Variants in FUCA1 observed in about 807,000 individuals in gnomAD.
FUCA1 encodes the protein alpha-L-fucosidase 1.
In FUCA1, 52 loss-of-function variants were observed where a neutral mutation model predicts 56.8. The ratio of observed to expected loss-of-function variants is 0.92; its 90% CI spans 0.73 to 1.15. The LOEUF (loss-of-function observed/expected upper bound fraction) is 1.15. Among genes scored for constraint, FUCA1 ranks in the 50% most tolerant of loss-of-function variants. The pLI is 0.00. For synonymous variants in FUCA1, 230 were observed against 226.6 expected (o/e 1.02, Z -0.14); for missense variants, 568 against 592.6 (o/e 0.96, Z 0.43).
At chr1:23,845,964 G>T in intron 7 of FUCA1, 109 bp from the exon 8 acceptor site, 1 of 1,527,182 alleles carries the variant, frequency 6.5e-7, no homozygotes, top group Non-Finnish European at 9.1e-7. Context: ...AGGAAAGCCA[G>T]TCTAAAAGAG....
At chr1:23,858,235 C>G (rs1268228739) in intron 4 of FUCA1, among the ~76,000 whole-genome samples, 1 of 151,308 alleles carries the variant, frequency 6.6e-6, no homozygotes, top group Non-Finnish European at 1.5e-5. Flanking sequence ...TGGCTAATTT[C>G]TTTTTGTATT....
intron 4 of FUCA1, among the ~76,000 whole-genome samples, chr1:23,858,777 T>C (rs1438914531): frequency 6.6e-6 from 1 of 152,118 alleles, no homozygotes; most frequent in East Asian, 1.9e-4. Context: ...GGAGACAGGG[T>C]TTCACTGTCA....
chr1:23,854,518 AG>A lies in FUCA1; in HGVS notation c.810del (p.Cys271ValfsTer59), dbSNP rs1557510081. On this transcript the variant is annotated frameshift_variant, in exon 5 of 8. Coordinates refer to ENST00000374479, the MANE Select transcript of FUCA1 (RefSeq NM_000147.5). LOFTEE classifies it high-confidence loss of function. ...VVNDRWGQNCSCHHGGYYNCE... is the reference protein window; with the variant it reads ...VVNDRWGQNCXCHHGGYYNCE... ...CAGTTATAGTATCCTCCATGGTGAC[AG>A]GAACAGTTCTGACCCCATCGGTCAT... 6.2e-7 allele frequency: 1 copy of A among 1,614,146 alleles called. No individual in the cohort carries two copies. Among genetic ancestry groups the A allele is most frequent in the Non-Finnish European group, 8.5e-7 (1 of 1,179,984 alleles).
chr1:23,845,492 C>T lies in FUCA1; in HGVS notation c.*223G>A. 1.7e-6 allele frequency: 1 copy of T among 590,256 alleles called. No individual in the cohort carries two copies. The highest frequency in any genetic ancestry group is 3.0e-6 in the Non-Finnish European group (1 of 331,984). 36.6% of individuals were successfully genotyped at this position (590,256 alleles called of 1,614,324 possible). ...GAACTCAGAGTTCAACTGCTCAGTT[C>T]CTTCTTCTGCTGACCTGATACAGAT... is the stretch of plus-strand genomic sequence containing the variant. On this transcript the variant is annotated 3_prime_UTR_variant, in exon 8 of 8. Coordinates refer to ENST00000374479, the MANE Select transcript of FUCA1 (RefSeq NM_000147.5).
rs1223610080 is a variant in FUCA1 at position 23,859,901 on chromosome 1, T to C, written c.665A>G (p.Tyr222Cys). The C allele has an allele frequency of 1.3e-6, 2 of 1,592,058 alleles. No homozygotes were observed. Among genetic ancestry groups the C allele is most frequent in the East Asian group, 2.2e-5 (1 of 44,796 alleles). Residue 222 changes from tyrosine (Y) to cysteine (C), a missense_variant and splice_region_variant, in exon 4 of 8, where the codon TAT (tyrosine) becomes TGT (cysteine). Physicochemically the swap from Tyr to Cys is radical, Grantham distance 194. Transcript: ENST00000374479. ...MPELYDLVNSYKPDLIWSDGE... is the reference protein window; with the variant it reads ...MPELYDLVNSCKPDLIWSDGE... ...ATCAGACCAGATCAGATCAGGTTTATAGCTGGAAGACATGTGATCAGGACA... is the reference window on the plus strand; with the variant it reads ...ATCAGACCAGATCAGATCAGGTTTACAGCTGGAAGACATGTGATCAGGACA...
chr1:23,848,205 T>C (rs926415540), intron 6 of FUCA1, among the ~76,000 whole-genome samples: 2 of 152,116 alleles, frequency 1.3e-5, no homozygotes, highest in Non-Finnish European at 2.9e-5. Context: ...ACACTGAGTT[T>C]GTGCCTGGCA....
intron 4 of FUCA1, among the ~76,000 whole-genome samples, chr1:23,857,719 G>A (rs1009178691): frequency 6.6e-5 from 10 of 151,794 alleles, no homozygotes; most frequent in African/African-American, 2.4e-4. Context: ...CCAGGCTGGA[G>A]TGCAGTGGCG....
Position 23,865,562 on chromosome 1 carries a change from C to G in FUCA1, c.453G>C (p.Trp151Cys). 1 of 1,614,178 alleles carries G rather than the reference C, an allele frequency of 6.2e-7. No homozygotes were observed. The highest frequency in any genetic ancestry group is 8.5e-7 in the Non-Finnish European group (1 of 1,180,036). ...GFTNWPSPVS[W>C]NWNSKDVGPH... Reference sequence around the variant, plus strand: ...GCCCCACGTCTTTGGAGTTCCAGTTCCAAGACACAGGACTCGGCCAGTTTG... The same window carrying G: ...GCCCCACGTCTTTGGAGTTCCAGTTGCAAGACACAGGACTCGGCCAGTTTG... The change falls in exon 2 of 8, where the codon TGG becomes TGC. Residue 151 changes from tryptophan (W) to cysteine (C), a missense_variant. Transcript: ENST00000374479.
intron 5 of FUCA1, among the ~76,000 whole-genome samples, chr1:23,853,787 C>T (rs896080756): frequency 4.0e-5 from 6 of 151,896 alleles, no homozygotes; most frequent in East Asian, 1.9e-4. Flanking sequence ...CTCTCTGAAA[C>T]GTGTGCTGTG....
Position 23,859,920 on chromosome 1 carries a change from C to A in FUCA1, c.663-17G>T. On this transcript the variant is annotated splice_polypyrimidine_tract_variant and intron_variant, in intron 3 of 7. Coordinates refer to ENST00000374479, the MANE Select transcript of FUCA1 (RefSeq NM_000147.5). ...GGTTTATAGCTGGAAGACATGTGAT[C>A]AGGACAGAGCTTATTATCTGAACAT... 2 of 1,486,708 alleles carry A rather than the reference C, an allele frequency of 1.3e-6. No individual in the cohort carries two copies. Among genetic ancestry groups the A allele is most frequent in the South Asian group, 2.3e-5 (2 of 88,538 alleles). The allele number at this position is 1,486,708 out of a possible 1,614,324, so 92.1% of individuals were successfully genotyped here.
Position 23,845,558 on chromosome 1 carries a change from T to A in FUCA1, c.*157A>T. ...CTCAGATCTTTGGTCCATTTAGACA[T>A]CAGGGTAATGTACTCAGTTCCTTTA... is the stretch of plus-strand genomic sequence containing the variant. On this transcript the variant is annotated 3_prime_UTR_variant, in exon 8 of 8. Transcript: ENST00000374479. The A allele has an allele frequency of 1.2e-6, 1 of 809,458 alleles. No homozygotes were observed. The allele number at this position is 809,458 out of a possible 1,614,324, so 50.1% of individuals were successfully genotyped here.
chr1:23,866,103 G>C (rs1416186332), intron 1 of FUCA1, among the ~76,000 whole-genome samples: 2 of 152,188 alleles, frequency 1.3e-5, no homozygotes, highest in Non-Finnish European at 2.9e-5. Context: ...CCTGAGGTCA[G>C]GGGTTCAAGA....
rs200756413 is a variant in FUCA1 at position 23,867,990 on chromosome 1, G to A, written c.297C>T (p.Pro99=). Residue 99 remains proline, a synonymous_variant, in exon 1 of 8, where the codon CCC becomes CCT. Coordinates refer to ENST00000374479, the MANE Select transcript of FUCA1 (RefSeq NM_000147.5). The surrounding 1 kb of genome is among the most constrained non-coding windows in gnomAD (Gnocchi z 4.9). The stretch of plus-strand genomic sequence containing the variant: ...GTCCGAAGTCGGCGTAGCTGAAGCC[G>A]GGCGGGTAGTTGTCGCGCATGAAGC... The part of the protein sequence containing the change: ...YQRFMRDNYP[P]GFSYADFGPQ... 2 of 1,602,856 alleles carry A rather than the reference G, an allele frequency of 1.2e-6. No individual in the cohort carries two copies. The highest frequency in any genetic ancestry group is 4.5e-5 in the East Asian group (2 of 44,448).
chr1:23,868,241 A>G lies in FUCA1; in HGVS notation c.46T>C (p.Leu16=). ...GCTCCGAGGAAGAGCAGCAGCAGCA[A>G]CAGCGCGGGACCCGCCGGCCGCGAC... The part of the protein sequence containing the change: ...MRSRPAGPAL[L]LLLLFLGAAE... Residue 16 remains leucine, a synonymous_variant, in exon 1 of 8, where the codon TTG becomes CTG. Coordinates refer to ENST00000374479, the MANE Select transcript of FUCA1 (RefSeq NM_000147.5). 6.4e-7 allele frequency: 1 copy of G among 1,564,344 alleles called. No individual in the cohort carries two copies. Among genetic ancestry groups the G allele is most frequent in the Non-Finnish European group, 8.7e-7 (1 of 1,155,534 alleles).
rs80358195 is a variant in FUCA1 at position 23,848,671 on chromosome 1, C to A, written c.1138G>T (p.Glu380Ter). Residue 380 changes from glutamate to a stop codon, truncating the protein, a stop_gained, in exon 6 of 8, where the codon GAA becomes TAA. Coordinates refer to ENST00000374479, the MANE Select transcript of FUCA1 (RefSeq NM_000147.5). LOFTEE classifies it high-confidence loss of function. ...YASKPWRVQW[E>*]KNTTSVWYTS... ...CACCATACAGATGTTGTGTTCTTTT[C>A]CCATTGCACCCGCCATGGTTTGGAG... The A allele has an allele frequency of 2.5e-6, 4 of 1,614,014 alleles. No individual in the cohort carries two copies. The Admixed American group carries it at 6.7e-5, about 27-fold the overall frequency.
rs1639353891 is a variant in FUCA1 at position 23,854,615 on chromosome 1, T to C, written c.769-55A>G. 3.7e-6 allele frequency: 5 copies of C among 1,361,118 alleles called. No homozygotes were observed. The South Asian group carries it at 5.8e-5, about 16-fold the overall frequency. 84.3% of individuals were successfully genotyped at this position (1,361,118 alleles called of 1,614,324 possible). ...GGAGTAAAACCACTTGACTTCTTTA[T>C]GTAATACACTTTGGTAAGGCTCTAT... On this transcript the variant is annotated intron_variant, in intron 4 of 7. Coordinates refer to ENST00000374479, the MANE Select transcript of FUCA1 (RefSeq NM_000147.5).
At chr1:23,860,477 G>C (rs181170236) in intron 3 of FUCA1, among the ~76,000 whole-genome samples, 12 of 151,468 alleles carry the variant, frequency 7.9e-5, no homozygotes, top group Admixed American at 7.9e-4. Context: ...CCAGCTACTC[G>C]GGAGGCTGAG....
rs372045495 is a variant in FUCA1 at position 23,865,530 on chromosome 1, C to T, written c.485G>A (p.Arg162Gln). 16 of 1,614,084 alleles carry T rather than the reference C, an allele frequency of 9.9e-6. No individual in the cohort carries two copies. Among genetic ancestry groups the T allele is most frequent in the East Asian group, 8.9e-5 (4 of 44,900 alleles). ...TGTTCCCAATTCACCAACCAAATCC[C>T]GATGAGGCCCCACGTCTTTGGAGTT... ...NWNSKDVGPH[R>Q]DLVGELGTAL... Residue 162 changes from arginine (R) to glutamine (Q), a missense_variant, in exon 2 of 8, where the codon CGG becomes CAG. Transcript: ENST00000374479.
rs61996282 is a variant in FUCA1, at chr1:23,868,280, C to G, written c.7G>C (p.Ala3Pro). MR[A>P]PGMRSRPAGP... ...GCCGGCCGCGACCTCATCCCCGGAGCCCGCATCGCTACCCCTCAGCGACGC... is the reference window on the plus strand; with the variant it reads ...GCCGGCCGCGACCTCATCCCCGGAGGCCGCATCGCTACCCCTCAGCGACGC... Residue 3 changes from alanine (A) to proline (P), a missense_variant, in exon 1 of 8, where the codon GCT (alanine) becomes CCT (proline). Physicochemically the swap from Ala to Pro is conservative, Grantham distance 27. Transcript: ENST00000374479. 14,920 of 1,549,772 alleles carry G rather than the reference C, an allele frequency of 9.6e-3. 140 individuals are homozygous for G. Among genetic ancestry groups the G allele is most frequent in the Admixed American group, 0.049 (2,532 of 51,738 alleles).
Sources: allele counts gnomAD v4.1 joint callset (sites outside exome capture counted in the v4.1 genomes callset), GRCh38; gene constraint gnomAD v4.1.1; non-coding constraint Gnocchi (gnomAD v3.1); transcripts MANE v1.5; gene names NCBI Gene and HGNC (gene_info 2026-07-23, HGNC 2026-07-21).